The following NCKAP5 variants were observed in gnomAD, a reference collection of about 807,000 sequenced individuals.
The protein encoded by NCKAP5 is nck-associated protein 5.
NCKAP5 carries 92 observed loss-of-function variants against 167.0 expected under a neutral mutation model. That is an observed-to-expected ratio of 0.55 (90% CI 0.47 to 0.66). The LOEUF (loss-of-function observed/expected upper bound fraction) is 0.66, where lower values mean the gene tolerates loss of function less well. Ranked by LOEUF, NCKAP5 falls within the 30% of genes least tolerant of loss-of-function variation. The pLI is 0.00. For missense variants in NCKAP5, 2,378 were observed against 2,315.0 expected, an observed-to-expected ratio of 1.03 and a Z score of -0.56; for synonymous variants, 891 against 877.4, an observed-to-expected ratio of 1.02 and a Z score of -0.27.
intron 8 of NCKAP5, among the ~76,000 whole-genome samples, chr2:132,939,274 G>C (rs768434462): frequency 6.6e-6 from 1 of 152,174 alleles, no homozygotes; most frequent in African/African-American, 2.4e-5. Context: ...TTAGAAGCCT[G>C]GGCCAGGCAT....
At chr2:133,283,570 A>G (rs995949910) in intron 4 of NCKAP5, among the ~76,000 whole-genome samples, 2 of 151,980 alleles carry the variant, frequency 1.3e-5, no homozygotes, top group Admixed American at 6.6e-5. Context: ...ATTTTTCTAG[A>G]TGGTCACAAA....
chr2:132,915,213 A>G (rs1327860871), intron 8 of NCKAP5, among the ~76,000 whole-genome samples: 1 of 151,942 alleles, frequency 6.6e-6, no homozygotes, highest in Non-Finnish European at 1.5e-5. Flanking sequence ...CTGAGTTTAT[A>G]TCATGGGGAA....
At chr2:132,923,801 T>C (rs1318743222) in intron 8 of NCKAP5, among the ~76,000 whole-genome samples, 2 of 152,144 alleles carry the variant, frequency 1.3e-5, no homozygotes, top group Admixed American at 6.5e-5. Context: ...ATTAAAAATT[T>C]TAATAAAAAT....
intron 8 of NCKAP5, among the ~76,000 whole-genome samples, chr2:132,879,182 G>T (rs1323748290): frequency 6.6e-6 from 1 of 152,196 alleles, no homozygotes; most frequent in Admixed American, 6.5e-5. Flanking sequence ...ATGGTTTGAT[G>T]TGAGAGTGTT....
At chr2:132,787,764 A>T (rs1034953806) in intron 13 of NCKAP5, among the ~76,000 whole-genome samples, 1 of 152,160 alleles carries the variant, frequency 6.6e-6, no homozygotes, top group Non-Finnish European at 1.5e-5. Context: ...GAATCTGGGT[A>T]TTATAGCTCC....
chr2:133,651,306 C>T, the NCKAP5 span, among the ~76,000 whole-genome samples: 1 of 152,078 alleles, frequency 6.6e-6, no homozygotes, highest in Non-Finnish European at 1.5e-5. Context: ...AAGAGTAAAA[C>T]AAACTAAAAC....
chr2:132,944,122 C>T (rs1011456649), intron 8 of NCKAP5, among the ~76,000 whole-genome samples: 1 of 152,070 alleles, frequency 6.6e-6, no homozygotes, highest in Non-Finnish European at 1.5e-5. Flanking sequence ...TCTTATAACG[C>T]AAGAGCAGGA....
At chr2:133,553,337 A>G (rs1687508948) in intron 2 of NCKAP5, among the ~76,000 whole-genome samples, 1 of 152,194 alleles carries the variant, frequency 6.6e-6, no homozygotes, top group Non-Finnish European at 1.5e-5. Flanking sequence ...CAGAAGTGTC[A>G]CTTATTAAAG....
intron 10 of NCKAP5, among the ~76,000 whole-genome samples, chr2:132,861,101 G>A (rs1689873268): frequency 6.6e-6 from 1 of 152,094 alleles, no homozygotes; most frequent in African/African-American, 2.4e-5. Context: ...AGTCAGTGAT[G>A]CATTTAGCGG....
chr2:133,649,683 C>A, the NCKAP5 span, among the ~76,000 whole-genome samples: 3 of 152,000 alleles, frequency 2.0e-5, no homozygotes, highest in Non-Finnish European at 4.4e-5. Flanking sequence ...TGGCAAAATT[C>A]AACACCTCTT....
chr2:133,570,656 T>C (rs895346213), upstream of NCKAP5, among the ~76,000 whole-genome samples: 8 of 152,202 alleles, frequency 5.3e-5, no homozygotes, highest in Admixed American at 2.6e-4. Context: ...CCTTGTGCAA[T>C]CCTGTTTGAC....
chr2:132,965,048 G>A (rs191985949), intron 7 of NCKAP5, among the ~76,000 whole-genome samples: 11 of 152,210 alleles, frequency 7.2e-5, no homozygotes, highest in East Asian at 5.8e-4. Flanking sequence ...CAGTGTATAC[G>A]TGTGTGTATA....
intron 4 of NCKAP5, among the ~76,000 whole-genome samples, chr2:133,274,055 A>T (rs2150426706): frequency 6.6e-6 from 1 of 151,726 alleles, no homozygotes; most frequent in East Asian, 1.9e-4. Context: ...TTTCCTCTAG[A>T]CAAGGATCCT....
chr2:133,584,400 T>A, the NCKAP5 span, among the ~76,000 whole-genome samples: 15 of 152,282 alleles, frequency 9.9e-5, no homozygotes, highest in East Asian at 2.7e-3. Flanking sequence ...CAGGCAGGGT[T>A]TCAAATCAGG....
At chr2:132,764,342 C>T (rs1681266741) in intron 16 of NCKAP5, among the ~76,000 whole-genome samples, 1 of 152,144 alleles carries the variant, frequency 6.6e-6, no homozygotes, top group South Asian at 2.1e-4. Context: ...ATCACATGGT[C>T]CTGTTTTCAT....
At chr2:133,042,546 A>G (rs1338496799) in intron 6 of NCKAP5, among the ~76,000 whole-genome samples, 1 of 152,230 alleles carries the variant, frequency 6.6e-6, no homozygotes, top group Non-Finnish European at 1.5e-5. Flanking sequence ...AGGTAATTGT[A>G]TCTGACAAAC....
chr2:133,320,039 G>A (rs1441506963), intron 3 of NCKAP5, among the ~76,000 whole-genome samples: 1 of 152,094 alleles, frequency 6.6e-6, no homozygotes, highest in African/African-American at 2.4e-5. Flanking sequence ...CTGCAACAAG[G>A]GATGGGAGGG....
At chr2:133,268,857 T>C (rs1436648726) in intron 4 of NCKAP5, 1 of 152,202 alleles carries the variant, frequency 6.6e-6, no homozygotes, top group Non-Finnish European at 1.5e-5. Flanking sequence ...AATAAAAATT[T>C]TGCTAAAATT....
intron 3 of NCKAP5, among the ~76,000 whole-genome samples, chr2:133,313,411 A>G (rs1681384862): frequency 6.6e-6 from 1 of 152,180 alleles, no homozygotes; most frequent in Non-Finnish European, 1.5e-5. Context: ...AATCTACACA[A>G]AAGTTAAACA....
Sources: allele counts gnomAD v4.1 joint callset (sites outside exome capture counted in the v4.1 genomes callset), GRCh38; gene constraint gnomAD v4.1.1; transcripts MANE v1.5; gene names NCBI Gene and HGNC (gene_info 2026-07-23, HGNC 2026-07-21).